UNC45B: variants seen among roughly 807,000 people sequenced by gnomAD.
UNC45B encodes unc-45 myosin chaperone B.
In UNC45B, 78 loss-of-function variants were observed where a neutral mutation model predicts 98.7. That is an observed-to-expected ratio of 0.79 (90% confidence interval 0.66 to 0.95). The LOEUF is 0.95. Among genes scored for constraint, UNC45B ranks in the 40% least tolerant of loss-of-function variants. UNC45B has a pLI of 0.00. For missense variants in UNC45B, 1,225 were observed against 1,184.9 expected (o/e 1.03, Z -0.50); for synonymous variants, 462 against 480.4 (o/e 0.96, Z 0.50).
chr17:35,165,799 T>C (rs552836512), intron 9 of UNC45B, among the ~76,000 whole-genome samples: 1 of 151,654 alleles, frequency 6.6e-6, no homozygotes, highest in African/African-American at 2.4e-5. Flanking sequence ...ATTAGCCGAG[T>C]ATGGTGGCAC....
rs768786779 is a variant in UNC45B at position 35,155,508 on chromosome 17, A to G, written c.808+44A>G. On this transcript the variant is annotated intron_variant, in intron 7 of 19. Coordinates refer to ENST00000394570, the MANE Select transcript of UNC45B (RefSeq NM_001267052.2). ...TTTTGATTCAAGGGGATGGGGAAAG[A>G]AAAGGTCAGTTGCTACCTCAGACTG... 2.5e-6 allele frequency: 4 copies of G among 1,598,610 alleles called. No homozygotes were observed. In the South Asian group the frequency reaches 4.4e-5, roughly 18 times the overall value.
chr17:35,174,197 TG>T (rs1567765113), intron 13 of UNC45B, 44 bp from the exon 14 acceptor site: 1 of 1,613,256 alleles, frequency 6.2e-7, no homozygotes, highest in East Asian at 2.2e-5. Flanking sequence ...CCGATTGGCC[TG>T]GCACCCAGGA....
intron 17 of UNC45B, among the ~76,000 whole-genome samples, chr17:35,178,551 C>A (rs1008964923): frequency 1.0e-3 from 152 of 152,284 alleles, no homozygotes; most frequent in African/African-American, 3.5e-3. Context: ...AATTAGATCC[C>A]ATTTGTCAAT....
At chr17:35,148,521 T>G in intron 2 of UNC45B, 90 bp downstream of exon 2, 2 of 1,451,124 alleles carry the variant, frequency 1.4e-6, no homozygotes, top group Non-Finnish European at 1.9e-6. Flanking sequence ...GAAATTGCCC[T>G]TCATCCCAGC....
intron 6 of UNC45B, 61 bp from the exon 7 acceptor site, chr17:35,155,235 C>A: frequency 6.3e-7 from 1 of 1,587,474 alleles, no homozygotes; most frequent in Non-Finnish European, 8.6e-7. Flanking sequence ...CCTCTCTAAC[C>A]TGCATGGCAG....
chr17:35,149,398 GTT>G (rs908247685), intron 3 of UNC45B, among the ~76,000 whole-genome samples: 1 of 151,942 alleles, frequency 6.6e-6, no homozygotes, highest in Non-Finnish European at 1.5e-5. Context: ...TGTTTGTTTT[GTT>G]TTGTTTTTTG....
chr17:35,149,897 G>T, intron 3 of UNC45B, 151 bp from the exon 4 acceptor site: 1 of 718,506 alleles, frequency 1.4e-6, no homozygotes, highest in Non-Finnish European at 2.1e-6. Context: ...TAACAAAGGG[G>T]AGGTAAGGGC....
At chr17:35,159,238 A>C (rs971356573) in intron 7 of UNC45B, 137 bp from the exon 8 acceptor site, 21 of 882,768 alleles carry the variant, frequency 2.4e-5, no homozygotes, top group Non-Finnish European at 3.0e-5. Context: ...GGGCAACACT[A>C]TACTCCCCTG....
At chr17:35,161,962 A>T (rs1399756268) in intron 8 of UNC45B, among the ~76,000 whole-genome samples, 1 of 152,184 alleles carries the variant, frequency 6.6e-6, no homozygotes, top group Non-Finnish European at 1.5e-5. Context: ...TTTGGTGAAC[A>T]CATGGAGGTG....
In UNC45B at chr17:35,148,415, C is replaced by T. The variant is rs761141406; in HGVS notation, c.152C>T (p.Ala51Val). Reference sequence around the variant, plus strand: ...GCCACGCTTTATCGGAACCGGGCAGCCTGTGGCCTGAAAACGGTCTGGGGC... The same window carrying T: ...GCCACGCTTTATCGGAACCGGGCAGTCTGTGGCCTGAAAACGGTCTGGGGC... The part of the protein sequence containing the change: ...LLATLYRNRA[A>V]CGLKTESYVQ... The change falls in exon 2 of 20, where the codon GCC becomes GTC. Residue 51 changes from alanine to valine, a missense_variant. Transcript: ENST00000394570. The T allele has an allele frequency of 6.2e-7, 1 of 1,613,676 alleles. No individual in the cohort carries two copies. The highest frequency in any genetic ancestry group is 2.2e-5 in the East Asian group (1 of 44,864).
chr17:35,155,501 G>C lies in UNC45B; in HGVS notation c.808+37G>C, dbSNP rs368519949. The C allele has an allele frequency of 2.9e-5, 47 of 1,605,864 alleles. No homozygotes were observed. In the African/African-American group the frequency reaches 5.8e-4, roughly 20 times the overall value. ...TCTTCAGTTTTGATTCAAGGGGATGGGGAAAGAAAAGGTCAGTTGCTACCT... is the reference window on the plus strand; with the variant it reads ...TCTTCAGTTTTGATTCAAGGGGATGCGGAAAGAAAAGGTCAGTTGCTACCT... On this transcript the variant is annotated intron_variant, in intron 7 of 19. Coordinates refer to ENST00000394570, the MANE Select transcript of UNC45B (RefSeq NM_001267052.2).
intron 19 of UNC45B, 40 bp downstream of exon 19, chr17:35,183,622 C>T (rs371522460): frequency 6.2e-6 from 9 of 1,458,776 alleles, no homozygotes; most frequent in Admixed American, 2.4e-5. Context: ...CTGGGTGGCT[C>T]CAGGGAATCT....
chr17:35,183,909 CG>C (rs1469463758), intron 19 of UNC45B, among the ~76,000 whole-genome samples: 3 of 152,068 alleles, frequency 2.0e-5, no homozygotes, highest in African/African-American at 7.2e-5. Context: ...AAGAGAAGCA[CG>C]GATGTGGTTG....
Position 35,183,450 on chromosome 17 carries a change from C to T in UNC45B, c.2397C>T (p.Asp799=), listed in dbSNP as rs74403538. 9.0e-5 allele frequency: 143 copies of T among 1,593,994 alleles called. 2 individuals are homozygous for T. The African/African-American group carries it at 1.3e-3, about 15-fold the overall frequency. The part of the protein sequence containing the change: ...HKEVQERFLA[D]GNDRLKLVVL... ...AGGTACAGGAAAGGTTCTTGGCTGA[C>T]GGGAATGACCGGCTGAAGCTGGTGG... Residue 799 remains aspartate (D), a synonymous_variant, in exon 19 of 20, where the codon GAC becomes GAT. Transcript: ENST00000394570.
At chr17:35,152,137 T>C in intron 4 of UNC45B, among the ~76,000 whole-genome samples, 1 of 151,988 alleles carries the variant, frequency 6.6e-6, no homozygotes, top group East Asian at 1.9e-4. Flanking sequence ...TCCCAACTAC[T>C]CAGAAGGCTT....
chr17:35,170,131 C>T lies in UNC45B; in HGVS notation c.1565C>T (p.Ser522Phe). 6.2e-7 allele frequency: 1 copy of T among 1,612,624 alleles called. No individual in the cohort carries two copies. Among genetic ancestry groups the T allele is most frequent in the Non-Finnish European group, 8.5e-7 (1 of 1,179,128 alleles). ...KQCRKWLCNM[S>F]IDTRTRRWAV... ...ACTTCCAGGTGGCTGTGCAATATGT[C>T]CATAGACACTCGGACCCGACGCTGG... Residue 522 changes from serine (S) to phenylalanine (F), a missense_variant, in exon 12 of 20, where the codon TCC becomes TTC. Coordinates refer to ENST00000394570, the MANE Select transcript of UNC45B (RefSeq NM_001267052.2).
intron 7 of UNC45B, among the ~76,000 whole-genome samples, chr17:35,155,752 TAGAGAC>T (rs1377161418): frequency 6.6e-6 from 1 of 152,120 alleles, no homozygotes; most frequent in Non-Finnish European, 1.5e-5. Context: ...GTATTTTTAG[TAGAGAC>T]AGGGTTTCTT....
At chr17:35,169,972 C>A (rs180790659) in intron 11 of UNC45B, 41 bp downstream of exon 11, 2 of 1,612,120 alleles carry the variant, frequency 1.2e-6, no homozygotes, top group East Asian at 2.2e-5. Flanking sequence ...TCTCCTCATG[C>A]GCCTTCCGGG....
At chr17:35,155,014 T>G (rs2092048396) in intron 6 of UNC45B, among the ~76,000 whole-genome samples, 1 of 152,262 alleles carries the variant, frequency 6.6e-6, no homozygotes, top group Non-Finnish European at 1.5e-5. Flanking sequence ...TATTTCACAC[T>G]ACAGCATATC....
Sources: allele counts gnomAD v4.1 joint callset (sites outside exome capture counted in the v4.1 genomes callset), GRCh38; gene constraint gnomAD v4.1.1; transcripts MANE v1.5; gene names NCBI Gene and HGNC (gene_info 2026-07-23, HGNC 2026-07-21).